The following DENND1A variants were observed in gnomAD, a reference collection of about 807,000 sequenced individuals.
DENND1A encodes DENN domain-containing protein 1A.
In DENND1A, 51 loss-of-function variants were observed where a neutral mutation model predicts 113.7. The observed-to-expected ratio is 0.45, with a 90% CI of 0.36 to 0.57. DENND1A has a LOEUF of 0.57. Among genes scored for constraint, DENND1A ranks in the 20% least tolerant of loss-of-function variants. DENND1A has a pLI of 0.00. For missense variants in DENND1A, 1,258 were observed against 1,395.9 expected (o/e 0.90, Z 1.57); for synonymous variants, 565 against 570.8 (o/e 0.99, Z 0.14).
At chr9:123,884,202 G>A (rs1285387497) in intron 1 of DENND1A, among the ~76,000 whole-genome samples, 2 of 151,938 alleles carry the variant, frequency 1.3e-5, no homozygotes, top group East Asian at 1.9e-4. Context: ...GGCTCTCTGC[G>A]ACCACCTTGA....
At chr9:123,732,930 T>C (rs929354919) in intron 5 of DENND1A, among the ~76,000 whole-genome samples, 2 of 152,212 alleles carry the variant, frequency 1.3e-5, no homozygotes, top group Non-Finnish European at 2.9e-5. Context: ...AGAGAGCGCA[T>C]GGACAGCACT....
intron 13 of DENND1A, among the ~76,000 whole-genome samples, chr9:123,470,905 G>A (rs1317994033): frequency 6.6e-6 from 1 of 152,164 alleles, no homozygotes; most frequent in Non-Finnish European, 1.5e-5. Flanking sequence ...GTTGAAACGG[G>A]CCTGGTACAC....
chr9:123,682,466 C>T (rs1305301075), intron 5 of DENND1A, among the ~76,000 whole-genome samples: 1 of 152,168 alleles, frequency 6.6e-6, no homozygotes, highest in Non-Finnish European at 1.5e-5. Flanking sequence ...GTATCCCTTT[C>T]TTTCTGTCAG....
At chr9:123,694,056 G>A (rs1305222639) in intron 5 of DENND1A, among the ~76,000 whole-genome samples, 1 of 151,130 alleles carries the variant, frequency 6.6e-6, no homozygotes, top group Non-Finnish European at 1.5e-5. Flanking sequence ...GGATGGTCTC[G>A]ATCTCTTGAC....
intron 13 of DENND1A, among the ~76,000 whole-genome samples, chr9:123,485,251 A>G (rs1238843553): frequency 6.6e-6 from 1 of 152,240 alleles, no homozygotes; most frequent in Admixed American, 6.5e-5. Flanking sequence ...ATTATAAACA[A>G]GCTCCATTTC....
intron 13 of DENND1A, among the ~76,000 whole-genome samples, chr9:123,516,107 T>TACACACAC (rs199923277): frequency 4.5e-4 from 63 of 138,656 alleles, no homozygotes; most frequent in African/African-American, 1.7e-3. Context: ...TACACACACA[T>TACACACAC]ACACACACAC....
chr9:123,560,103 T>C (rs950617038), intron 12 of DENND1A, among the ~76,000 whole-genome samples: 1 of 152,228 alleles, frequency 6.6e-6, no homozygotes, highest in Non-Finnish European at 1.5e-5. Flanking sequence ...AGATGGACAT[T>C]TGGGCTGTTT....
chr9:123,914,305 G>A (rs933684644), intron 1 of DENND1A, among the ~76,000 whole-genome samples: 5 of 151,878 alleles, frequency 3.3e-5, no homozygotes, highest in East Asian at 1.9e-4. Flanking sequence ...TTGGGAGGCC[G>A]AGGTGGGTGG....
intron 13 of DENND1A, among the ~76,000 whole-genome samples, chr9:123,465,918 T>C (rs931777727): frequency 2.0e-5 from 3 of 152,250 alleles, no homozygotes; most frequent in Non-Finnish European, 4.4e-5. Flanking sequence ...AGCTTGTACA[T>C]GCATTTATAC....
At chr9:123,881,457 AG>A (rs1480015824) in intron 1 of DENND1A, among the ~76,000 whole-genome samples, 1 of 152,222 alleles carries the variant, frequency 6.6e-6, no homozygotes, top group African/African-American at 2.4e-5. Flanking sequence ...GTCTTTCTTA[AG>A]CCTAGTTTGC....
At chr9:123,711,487 A>AAATATATATATATATGTATATATGTG (rs1564997543) in intron 5 of DENND1A, among the ~76,000 whole-genome samples, 3 of 64,790 alleles carry the variant, frequency 4.6e-5, no homozygotes, top group East Asian at 4.0e-4. Context: ...AAATTAAAAA[A>AAATATATATATATATGTATATATGTG]TATATATATA....
chr9:123,630,936 T>C (rs953901949), intron 9 of DENND1A, among the ~76,000 whole-genome samples: 1 of 152,194 alleles, frequency 6.6e-6, no homozygotes, highest in Non-Finnish European at 1.5e-5. Context: ...ATCCAGAATA[T>C]TCTTTAAATA....
chr9:123,614,274 T>G (rs2060543636), intron 10 of DENND1A, among the ~76,000 whole-genome samples: 1 of 152,200 alleles, frequency 6.6e-6, no homozygotes, highest in African/African-American at 2.4e-5. Context: ...TACTCAGTAC[T>G]TAAGCTGAAA....
At chr9:123,885,306 T>A (rs1848905663) in intron 1 of DENND1A, among the ~76,000 whole-genome samples, 1 of 152,200 alleles carries the variant, frequency 6.6e-6, no homozygotes, top group Admixed American at 6.5e-5. Context: ...ACCACTGGTG[T>A]GTCTCAGATA....
intron 13 of DENND1A, among the ~76,000 whole-genome samples, chr9:123,524,523 T>C (rs761601007): frequency 2.0e-5 from 3 of 152,178 alleles, no homozygotes; most frequent in Non-Finnish European, 2.9e-5. Context: ...TGTCTCCAAA[T>C]ATTTAGAAGC....
chr9:123,390,656 C>T (rs1316367871), intron 21 of DENND1A, among the ~76,000 whole-genome samples: 1 of 152,272 alleles, frequency 6.6e-6, no homozygotes, highest in Non-Finnish European at 1.5e-5. Context: ...CCCAGGCTAG[C>T]TGTGCACTGG....
chr9:123,870,461 G>A (rs577451170), intron 2 of DENND1A, among the ~76,000 whole-genome samples: 150 of 147,330 alleles, frequency 1.0e-3, no homozygotes, highest in Admixed American at 3.1e-3. Context: ...TTTTTGAGAC[G>A]GAGTCTTGCT....
At chr9:123,479,107 G>A (rs2050135879) in intron 13 of DENND1A, among the ~76,000 whole-genome samples, 1 of 152,190 alleles carries the variant, frequency 6.6e-6, no homozygotes, top group Admixed American at 6.5e-5. Flanking sequence ...GGCATGGTAA[G>A]GCATCTACCA....
intron 3 of DENND1A, among the ~76,000 whole-genome samples, chr9:123,782,914 T>A: frequency 6.7e-6 from 1 of 148,272 alleles, no homozygotes; most frequent in Non-Finnish European, 1.5e-5. Context: ...GCCCACAGTC[T>A]GGGCTTCATG....
Sources: gnomAD v4.1 joint callset for allele counts (sites outside exome capture counted in the v4.1 genomes callset) on GRCh38, gnomAD v4.1.1 for gene constraint, MANE v1.5 for transcripts, NCBI Gene and HGNC (gene_info 2026-07-23, HGNC 2026-07-21) for gene names.